Variants in ADIPOQ observed in about 807,000 individuals in gnomAD.
The protein encoded by ADIPOQ is adiponectin.
Under a neutral mutation model 16.1 loss-of-function variants are expected in ADIPOQ, and 19 were observed. That is an observed-to-expected ratio of 1.18 (90% CI 0.82 to 1.73). The LOEUF is 1.73. ADIPOQ is among the 40% of genes most tolerant of loss of function. The pLI is 0.00. For synonymous variants in ADIPOQ, 124 were observed against 125.5 expected (o/e 0.99, Z 0.08); for missense variants, 323 against 308.3 (o/e 1.05, Z -0.36).
intron 1 of ADIPOQ, among the ~76,000 whole-genome samples, chr3:186,848,754 A>G (rs1203600255): frequency 6.6e-6 from 1 of 152,256 alleles, no homozygotes; most frequent in East Asian, 1.9e-4. Flanking sequence ...AGATAAATAA[A>G]TAAGTAAAAT....
chr3:186,844,488 G>A lies in ADIPOQ; in HGVS notation c.-9+1739G>A, dbSNP rs546849264. Among the ~76,000 whole-genome samples, 7 of 125,646 alleles carry A rather than the reference G, an allele frequency of 5.6e-5. No individual in the cohort carries two copies. The East Asian group carries it at 1.3e-3, about 24-fold the overall frequency. 82.4% of individuals were successfully genotyped at this position (125,646 alleles called of 152,430 possible). ...ATCACAGCATTGCACTCCAGCCTGG[G>A]CAAAAAAAGCAAAACTCCATCTCAA... On this transcript the variant is annotated intron_variant, in intron 1 of 2. Transcript: ENST00000320741.
chr3:186,853,153 C>T lies in ADIPOQ; in HGVS notation c.95C>T (p.Pro32Leu), dbSNP rs1711846309. ...GGGCCCGGAGTCCTGCTTCCCCTGC[C>T]CAAGGGGGCCTGCACAGGTTGGATG... is the stretch of plus-strand genomic sequence containing the variant. ...TQGPGVLLPL[P>L]KGACTGWMAG... Residue 32 changes from proline (P) to leucine (L), a missense_variant, in exon 2 of 3, where the codon CCC becomes CTC. Coordinates refer to ENST00000320741, the MANE Select transcript of ADIPOQ (RefSeq NM_004797.4). 6.2e-7 allele frequency: 1 copy of T among 1,614,052 alleles called. No homozygotes were observed. The highest frequency in any genetic ancestry group is 1.3e-5 in the African/African-American group (1 of 74,934).
rs1711965581 is a variant in ADIPOQ, at chr3:186,855,511, G to A, written c.*807G>A. On this transcript the variant is annotated 3_prime_UTR_variant, in exon 3 of 3. Coordinates refer to ENST00000320741, the MANE Select transcript of ADIPOQ (RefSeq NM_004797.4). ...ACTCTGTCACCCAGGCTGGAGTACA[G>A]TGACACGACCTCGGCTCACTGCAGC... is the stretch of plus-strand genomic sequence containing the variant. 6.6e-6 allele frequency: 1 copy of A among 150,864 alleles called. No homozygotes were observed. Among genetic ancestry groups the A allele is most frequent in the Non-Finnish European group, 1.5e-5 (1 of 68,030 alleles). The allele number at this position is 150,864 out of a possible 1,614,324, so 9.3% of individuals were successfully genotyped here. A position where few individuals can be genotyped will look rare whatever the true frequency, so the allele number is the denominator to read the frequency against.
At chr3:186,854,160 C>A in intron 2 of ADIPOQ, 24 bp from the exon 3 acceptor site, 1 of 1,610,000 alleles carries the variant, frequency 6.2e-7, no homozygotes, top group South Asian at 1.1e-5. Context: ...TCTTTGTAGT[C>A]ACTGAGGTCT....
chr3:186,851,082 C>T (rs564420543), intron 1 of ADIPOQ, among the ~76,000 whole-genome samples: 4 of 152,238 alleles, frequency 2.6e-5, no homozygotes, highest in South Asian at 2.1e-4. Context: ...TTGCCAATCA[C>T]GGTCTTTCTT....
chr3:186,846,917 A>T (rs1489850356), intron 1 of ADIPOQ, among the ~76,000 whole-genome samples: 1 of 152,224 alleles, frequency 6.6e-6, no homozygotes, highest in African/African-American at 2.4e-5. Flanking sequence ...ATTGAAAGGC[A>T]GGATGTGTGA....
intron 1 of ADIPOQ, among the ~76,000 whole-genome samples, chr3:186,845,236 C>G (rs1711551277): frequency 1.3e-5 from 2 of 151,870 alleles, no homozygotes; most frequent in African/African-American, 4.8e-5. Flanking sequence ...GACAGCTCTC[C>G]CAGGGCTGAG....
intron 1 of ADIPOQ, among the ~76,000 whole-genome samples, chr3:186,844,748 A>G (rs987202467): frequency 2.0e-5 from 3 of 151,856 alleles, no homozygotes; most frequent in Non-Finnish European, 2.9e-5. Context: ...GTCTCACTAT[A>G]TTGGCTGGGG....
intron 1 of ADIPOQ, among the ~76,000 whole-genome samples, chr3:186,850,806 T>C (rs924864127): frequency 1.3e-5 from 2 of 152,092 alleles, no homozygotes; most frequent in African/African-American, 4.8e-5. Flanking sequence ...GATTCCACTA[T>C]GTTTAAAAAT....
In ADIPOQ at chr3:186,852,312, A is replaced by G. The variant is rs546982106; in HGVS notation, c.-8-739A>G. The G allele has an allele frequency of 2.0e-5, 3 of 152,662 alleles. No individual in the cohort carries two copies. In the East Asian group the frequency reaches 5.8e-4, roughly 29 times the overall value. 9.5% of individuals were successfully genotyped at this position (152,662 alleles called of 1,614,324 possible). The stretch of plus-strand genomic sequence containing the variant: ...GGACTTCTTGAAACAGATGACATCC[A>G]AACTGGGTCCTGAAAGCTGAATAGA... On this transcript the variant is annotated intron_variant, in intron 1 of 2. Coordinates refer to ENST00000320741, the MANE Select transcript of ADIPOQ (RefSeq NM_004797.4).
At position 186,853,159 on chromosome 3, in the gene ADIPOQ, G is replaced by A. The variant is rs201392172; in HGVS notation, c.101G>A (p.Gly34Glu). 1 of 1,614,206 alleles carries A rather than the reference G, an allele frequency of 6.2e-7. No homozygotes were observed. The highest frequency in any genetic ancestry group is 1.3e-5 in the African/African-American group (1 of 75,058). The change falls in exon 2 of 3, where the codon GGG becomes GAG. Residue 34 changes from glycine (G) to glutamate (E), a missense_variant. Physicochemically the swap from Gly to Glu is moderately conservative, Grantham distance 98. Coordinates refer to ENST00000320741, the MANE Select transcript of ADIPOQ (RefSeq NM_004797.4). ...GPGVLLPLPK[G>E]ACTGWMAGIP... ...GGAGTCCTGCTTCCCCTGCCCAAGG[G>A]GGCCTGCACAGGTTGGATGGCGGGC...
chr3:186,845,129 ATGTGGATG>A (rs1711548392), intron 1 of ADIPOQ, among the ~76,000 whole-genome samples: 3 of 150,978 alleles, frequency 2.0e-5, no homozygotes, highest in Non-Finnish European at 1.5e-5. Context: ...GTGCGTACGT[ATGTGGATG>A]TGTGGATGTG....
Position 186,858,160 on chromosome 3 carries a change from C to G in ADIPOQ, c.*3456C>G, listed in dbSNP as rs1379276716. The G allele has an allele frequency of 6.6e-6, 1 of 152,012 alleles. No individual in the cohort carries two copies. The highest frequency in any genetic ancestry group is 1.5e-5 in the Non-Finnish European group (1 of 68,006). 9.4% of individuals were successfully genotyped at this position (152,012 alleles called of 1,614,324 possible). On this transcript the variant is annotated 3_prime_UTR_variant, in exon 3 of 3. Transcript: ENST00000320741. ...CTAATTTTTGTATTTTTCGTAGAGA[C>G]GGGGTTTCACCACATTCGTCAGGTT...
rs750611173 is a variant in ADIPOQ, at chr3:186,853,052, G to A, written c.-7G>A. ...TGACAGTGCACATGTGGATTCCAGG[G>A]CTCAGGATGCTGTTGCTGGGAGCTG... On this transcript the variant is annotated splice_region_variant and 5_prime_UTR_variant, in exon 2 of 3. Coordinates refer to ENST00000320741, the MANE Select transcript of ADIPOQ (RefSeq NM_004797.4). 3 of 1,614,178 alleles carry A rather than the reference G, an allele frequency of 1.9e-6. No individual in the cohort carries two copies. The highest frequency in any genetic ancestry group is 1.3e-5 in the African/African-American group (1 of 75,054).
Position 186,853,186 on chromosome 3 carries a change from T to C in ADIPOQ, c.128T>C (p.Ile43Thr). 6.2e-6 allele frequency: 10 copies of C among 1,614,058 alleles called. No individual in the cohort carries two copies. Among genetic ancestry groups the C allele is most frequent in the Non-Finnish European group, 8.5e-6 (10 of 1,179,974 alleles). ...GCCTGCACAGGTTGGATGGCGGGCA[T>C]CCCAGGGCATCCGGGCCATAATGGG... The part of the protein sequence containing the change: ...KGACTGWMAG[I>T]PGHPGHNGAP... Residue 43 changes from isoleucine (I) to threonine (T), a missense_variant, in exon 2 of 3, where the codon ATC becomes ACC. By Grantham distance (89) the Ile-to-Thr change is moderately conservative. Coordinates refer to ENST00000320741, the MANE Select transcript of ADIPOQ (RefSeq NM_004797.4).
At chr3:186,852,881 T>C in intron 1 of ADIPOQ, 170 bp from the exon 2 acceptor site, 1 of 651,926 alleles carries the variant, frequency 1.5e-6, no homozygotes, top group Non-Finnish European at 2.7e-6. Flanking sequence ...CAGAAAGAGA[T>C]CAAGGTGGGC....
chr3:186,847,616 C>A (rs914017021), intron 1 of ADIPOQ, among the ~76,000 whole-genome samples: 2 of 152,112 alleles, frequency 1.3e-5, no homozygotes, highest in Non-Finnish European at 2.9e-5. Context: ...ATCACTCCTT[C>A]GTTGCCAAAA....
intron 1 of ADIPOQ, among the ~76,000 whole-genome samples, chr3:186,843,915 G>A (rs764826240): frequency 1.3e-5 from 2 of 152,130 alleles, no homozygotes; most frequent in African/African-American, 2.4e-5. Flanking sequence ...GGTTAGGTCT[G>A]CCCCTCTTGT....
At chr3:186,851,404 G>A (rs137924622) in intron 1 of ADIPOQ, among the ~76,000 whole-genome samples, 22 of 152,210 alleles carry the variant, frequency 1.4e-4, no homozygotes, top group Non-Finnish European at 2.9e-4. Flanking sequence ...GCAATCTGAG[G>A]TGGAGGCCTA....
Sources: gnomAD v4.1 joint callset for allele counts (sites outside exome capture counted in the v4.1 genomes callset) on GRCh38, gnomAD v4.1.1 for gene constraint, MANE v1.5 for transcripts, NCBI Gene and HGNC (gene_info 2026-07-23, HGNC 2026-07-21) for gene names.